The following ABRAXAS2 variants were observed in gnomAD, a reference collection of about 807,000 sequenced individuals.
The protein encoded by ABRAXAS2 is BRISC complex subunit Abraxas 2.
A neutral mutation model predicts 49.0 loss-of-function variants in ABRAXAS2; 23 were observed. The observed-to-expected ratio is 0.47, with a 90% CI of 0.34 to 0.66. ABRAXAS2 has a LOEUF of 0.66. Among genes scored for constraint, ABRAXAS2 ranks in the 30% least tolerant of loss-of-function variants. The probability of loss-of-function intolerance (pLI) is 0.01; values close to 1 mark genes in which losing one functional copy is unlikely to be tolerated. For synonymous variants in ABRAXAS2, 168 were observed against 180.2 expected (o/e 0.93, Z 0.54); for missense variants, 443 against 511.9 (o/e 0.87, Z 1.30).
intron 3 of ABRAXAS2, 82 bp from the exon 4 acceptor site, chr10:124,819,302 G>T (rs1950845760): frequency 3.7e-6 from 4 of 1,090,594 alleles, no homozygotes; most frequent in Non-Finnish European, 4.2e-6. Flanking sequence ...CTTCATTAGG[G>T]TTACCACAGG....
intron 7 of ABRAXAS2, among the ~76,000 whole-genome samples, chr10:124,830,544 G>A (rs772474600): frequency 6.6e-6 from 1 of 152,188 alleles, no homozygotes; most frequent in African/African-American, 2.4e-5. Flanking sequence ...TCAGCCTGGG[G>A]CAAAGGGAGA....
Position 124,828,890 on chromosome 10 carries a change from A to G in ABRAXAS2, c.578+15A>G, listed in dbSNP as rs759104122. ...AAAGAACATGGGTAAGTTGAAAGGT[A>G]AAGTGCTAGTTTTTTCTTTTGTCAG... On this transcript the variant is annotated intron_variant, in intron 6 of 8. Coordinates refer to ENST00000298492, the MANE Select transcript of ABRAXAS2 (RefSeq NM_032182.4). 6.2e-6 allele frequency: 10 copies of G among 1,610,268 alleles called. No homozygotes were observed. Among genetic ancestry groups the G allele is most frequent in the Admixed American group, 5.1e-5 (3 of 58,882 alleles).
At chr10:124,819,319 C>A in intron 3 of ABRAXAS2, 65 bp from the exon 4 acceptor site, 1 of 1,346,924 alleles carries the variant, frequency 7.4e-7, no homozygotes, top group Non-Finnish European at 1.1e-6. Context: ...CAGGCATATG[C>A]AGCCAAGCAC....
In ABRAXAS2 at chr10:124,805,304, G is replaced by T. The variant is rs535296967; in HGVS notation, c.73-1527G>T. Among the ~76,000 whole-genome samples the T allele has an allele frequency of 2.7e-5, 4 of 149,418 alleles. No homozygotes were observed. The South Asian group carries it at 8.4e-4, about 31-fold the overall frequency. On this transcript the variant is annotated intron_variant, in intron 1 of 8. Coordinates refer to ENST00000298492, the MANE Select transcript of ABRAXAS2 (RefSeq NM_032182.4). ...AGCCGAGATTGCGCCACTGCAGTCCGCAGTCCGGCCTGGGCGACAGAGCGA... is the reference window on the plus strand; with the variant it reads ...AGCCGAGATTGCGCCACTGCAGTCCTCAGTCCGGCCTGGGCGACAGAGCGA...
At chr10:124,803,230 T>A (rs1246352879) in intron 1 of ABRAXAS2, among the ~76,000 whole-genome samples, 1 of 152,220 alleles carries the variant, frequency 6.6e-6, no homozygotes, top group Non-Finnish European at 1.5e-5. Context: ...ATTCAAGAGA[T>A]ATCCCTTAAT....
Position 124,826,693 on chromosome 10 carries a change from G to T in ABRAXAS2, c.366G>T (p.Val122=). Residue 122 remains valine (V), a synonymous_variant, in exon 5 of 9, where the codon GTG becomes GTT. Transcript: ENST00000298492. ...LHKQLTRILG[V]PDLVFLLFSF... ...AGCAGCTCACCCGCATCCTCGGCGT[G>T]CCCGACCTCGTCTTTCTTCTCTTCA... The T allele has an allele frequency of 6.2e-7, 1 of 1,614,216 alleles. No individual in the cohort carries two copies. Among genetic ancestry groups the T allele is most frequent in the South Asian group, 1.1e-5 (1 of 91,088 alleles).
At chr10:124,811,854 C>T (rs755915913) in intron 2 of ABRAXAS2, among the ~76,000 whole-genome samples, 2 of 152,082 alleles carry the variant, frequency 1.3e-5, no homozygotes, top group Non-Finnish European at 2.9e-5. Context: ...CTTGGCTCAC[C>T]GCAACCTCCG....
intron 1 of ABRAXAS2, among the ~76,000 whole-genome samples, chr10:124,806,199 A>G (rs927406624): frequency 6.6e-6 from 1 of 151,652 alleles, no homozygotes; most frequent in East Asian, 1.9e-4. Context: ...CCAGCTACTC[A>G]GGAGGCTGAG....
chr10:124,821,959 C>T (rs889319813), intron 4 of ABRAXAS2, among the ~76,000 whole-genome samples: 1 of 152,204 alleles, frequency 6.6e-6, no homozygotes, highest in Non-Finnish European at 1.5e-5. Flanking sequence ...ACATTTAATC[C>T]TTGCACCAGA....
intron 2 of ABRAXAS2, among the ~76,000 whole-genome samples, chr10:124,815,892 CTTTTTTTTTT>C (rs34730970): frequency 2.1e-5 from 2 of 94,668 alleles, no homozygotes; most frequent in Non-Finnish European, 4.1e-5. Context: ...GTCCTCGCAG[CTTTTTTTTTT>C]TTTTTTTTTT....
chr10:124,813,486 A>C (rs1950803961), intron 2 of ABRAXAS2, among the ~76,000 whole-genome samples: 2 of 152,166 alleles, frequency 1.3e-5, no homozygotes, highest in African/African-American at 4.8e-5. Context: ...TTTGTAAAGA[A>C]ATGTGTGCCG....
At chr10:124,809,194 C>T (rs537483555) in intron 2 of ABRAXAS2, among the ~76,000 whole-genome samples, 1 of 152,252 alleles carries the variant, frequency 6.6e-6, no homozygotes, top group African/African-American at 2.4e-5. Flanking sequence ...TGGCAAGTGG[C>T]AACTTTGGTC....
intron 2 of ABRAXAS2, among the ~76,000 whole-genome samples, chr10:124,809,054 C>T (rs1950766705): frequency 1.3e-5 from 2 of 152,006 alleles, no homozygotes; most frequent in African/African-American, 4.8e-5. Context: ...TCGCTTGAAC[C>T]TGGGAGGCGG....
chr10:124,822,468 A>T (rs763849487), intron 4 of ABRAXAS2, among the ~76,000 whole-genome samples: 7 of 152,086 alleles, frequency 4.6e-5, no homozygotes, highest in African/African-American at 1.7e-4. Flanking sequence ...TTTAATGACT[A>T]TGTATTTTAT....
At chr10:124,818,110 T>C (rs1950836677) in intron 3 of ABRAXAS2, among the ~76,000 whole-genome samples, 1 of 152,012 alleles carries the variant, frequency 6.6e-6, no homozygotes. Context: ...AGAATAGACT[T>C]AGTTGGCCGG....
chr10:124,834,572 G>A lies in ABRAXAS2; in HGVS notation c.849G>A (p.Met283Ile), dbSNP rs1341840774. The change falls in exon 9 of 9, where the codon ATG (methionine) becomes ATA (isoleucine). Residue 283 changes from methionine to isoleucine, a missense_variant. Met to Ile is a conservative substitution (Grantham distance 10). Coordinates refer to ENST00000298492, the MANE Select transcript of ABRAXAS2 (RefSeq NM_032182.4). ...TGGACCCAGCGTTCAGTCCTCGGAT[G>A]CCGTCCTCTGGGTTTGCAGCTGAAG... Reference protein sequence around the residue: ...ESLDPAFSPRMPSSGFAAEGR... With the variant: ...ESLDPAFSPRIPSSGFAAEGR... 1.9e-6 allele frequency: 3 copies of A among 1,614,178 alleles called. No homozygotes were observed. Among genetic ancestry groups the A allele is most frequent in the Middle Eastern group, 1.6e-4 (1 of 6,062 alleles).
intron 2 of ABRAXAS2, among the ~76,000 whole-genome samples, chr10:124,815,699 CTT>C (rs544782636): frequency 2.0e-5 from 3 of 152,104 alleles, no homozygotes; most frequent in African/African-American, 7.2e-5. Flanking sequence ...ATCACAGCAA[CTT>C]TTCAGAAGCT....
intron 5 of ABRAXAS2, among the ~76,000 whole-genome samples, chr10:124,827,846 A>G (rs1950906589): frequency 1.3e-5 from 2 of 152,214 alleles, no homozygotes; most frequent in Admixed American, 1.3e-4. Flanking sequence ...TTGTTGTAGA[A>G]TAAATTAAAT....
intron 2 of ABRAXAS2, among the ~76,000 whole-genome samples, chr10:124,810,930 C>G (rs947678068): frequency 6.6e-6 from 1 of 150,740 alleles, no homozygotes; most frequent in African/African-American, 2.4e-5. Context: ...TCTTTAAAAC[C>G]CTAAAACAGC....
Sources: gnomAD v4.1 joint callset for allele counts (sites outside exome capture counted in the v4.1 genomes callset) on GRCh38, gnomAD v4.1.1 for gene constraint, MANE v1.5 for transcripts, NCBI Gene and HGNC (gene_info 2026-07-23, HGNC 2026-07-21) for gene names.